The following STX17 variants were observed in gnomAD, a reference collection of about 807,000 sequenced individuals.
STX17 encodes syntaxin-17.
STX17 carries 29 observed loss-of-function variants against 35.9 expected under a neutral mutation model. The observed-to-expected ratio is 0.81, with a 90% confidence interval of 0.60 to 1.10. The LOEUF is 1.10. STX17 is among the 50% of genes least tolerant of loss of function. The pLI is 0.00. For synonymous variants in STX17, 92 were observed against 118.3 expected, an observed-to-expected ratio of 0.78 and a Z score of 1.44; for missense variants, 312 against 352.3, an observed-to-expected ratio of 0.89 and a Z score of 0.92.
chr9:99,958,813 G>C (rs1230475236), intron 4 of STX17, among the ~76,000 whole-genome samples: 1 of 152,218 alleles, frequency 6.6e-6, no homozygotes, highest in Non-Finnish European at 1.5e-5. Context: ...AGATTTTAAA[G>C]TGTGAATTAA....
chr9:99,926,685 A>G (rs1361934114), intron 2 of STX17, among the ~76,000 whole-genome samples: 1 of 152,058 alleles, frequency 6.6e-6, no homozygotes, highest in Non-Finnish European at 1.5e-5. Context: ...TTTTTAGTAG[A>G]GACGGGGTTT....
At chr9:99,941,421 A>G (rs779334693) in intron 3 of STX17, among the ~76,000 whole-genome samples, 3 of 152,240 alleles carry the variant, frequency 2.0e-5, no homozygotes, top group Non-Finnish European at 2.9e-5. Context: ...TTAATTGACC[A>G]TACAAGTCAA....
chr9:99,928,784 AG>A lies in STX17; in HGVS notation c.132del (p.Arg44SerfsTer34), dbSNP rs1223097903. 3.7e-6 allele frequency: 6 copies of A among 1,613,372 alleles called. No homozygotes were observed. Among genetic ancestry groups the A allele is most frequent in the Non-Finnish European group, 5.1e-6 (6 of 1,179,470 alleles). ...CCTTCTTTCTTTTATATAGTATCAA[AG>A]GTGCAGAATCTGGGACAAGTTGCAT... is the stretch of plus-strand genomic sequence containing the variant. ...KHQINIEKYQ[R>X]CRIWDKLHEE... is the part of the protein sequence containing the mutation. On this transcript the variant is annotated frameshift_variant, in exon 3 of 8. Transcript: ENST00000259400. LOFTEE classifies it high-confidence loss of function.
chr9:99,918,517 G>A (rs566672387), intron 2 of STX17, among the ~76,000 whole-genome samples: 31 of 131,558 alleles, frequency 2.4e-4, no homozygotes, highest in African/African-American at 7.9e-4. Flanking sequence ...TTTTTTTTTT[G>A]TAAGTTTTCT....
At chr9:99,919,447 C>G (rs1171091549) in intron 2 of STX17, among the ~76,000 whole-genome samples, 2 of 152,164 alleles carry the variant, frequency 1.3e-5, no homozygotes, top group African/African-American at 4.8e-5. Context: ...CTACCATGTA[C>G]CCCTTTTGCA....
chr9:99,953,470 C>G (rs1231152623), intron 4 of STX17, among the ~76,000 whole-genome samples: 1 of 152,018 alleles, frequency 6.6e-6, no homozygotes, highest in Non-Finnish European at 1.5e-5. Context: ...GGGAAGAATG[C>G]TTTTTGATAG....
At chr9:99,934,914 AT>A (rs936911308) in intron 3 of STX17, among the ~76,000 whole-genome samples, 5 of 152,192 alleles carry the variant, frequency 3.3e-5, no homozygotes, top group East Asian at 3.9e-4. Context: ...ATATATTTGA[AT>A]TTTTTTTAAT....
At chr9:99,935,248 T>G (rs1829206478) in intron 3 of STX17, among the ~76,000 whole-genome samples, 1 of 148,802 alleles carries the variant, frequency 6.7e-6, no homozygotes, top group Admixed American at 6.8e-5. Flanking sequence ...GAGAATGGCG[T>G]GAACCCAGGA....
intron 3 of STX17, among the ~76,000 whole-genome samples, chr9:99,934,914 A>T (rs1224683572): frequency 2.6e-5 from 4 of 152,074 alleles, no homozygotes; most frequent in Non-Finnish European, 5.9e-5. Context: ...ATATATTTGA[A>T]TTTTTTTTAA....
chr9:99,920,620 A>G (rs907028512), intron 2 of STX17, among the ~76,000 whole-genome samples: 2 of 152,208 alleles, frequency 1.3e-5, no homozygotes, highest in Non-Finnish European at 2.9e-5. Context: ...GCACTACTTC[A>G]AACTACCTCT....
intron 2 of STX17, among the ~76,000 whole-genome samples, chr9:99,917,844 C>A (rs1828806014): frequency 6.6e-6 from 1 of 152,114 alleles, no homozygotes; most frequent in African/African-American, 2.4e-5. Flanking sequence ...GTACAAGAGG[C>A]AGAAAACTCA....
intron 3 of STX17, among the ~76,000 whole-genome samples, chr9:99,930,470 T>C (rs528294649): frequency 2.0e-4 from 31 of 152,084 alleles, no homozygotes; most frequent in Non-Finnish European, 3.2e-4. Flanking sequence ...GGTTTCACAA[T>C]GTTAGCCAGG....
intron 3 of STX17, among the ~76,000 whole-genome samples, chr9:99,932,188 A>G (rs1335380958): frequency 1.3e-5 from 2 of 152,210 alleles, no homozygotes. Flanking sequence ...AGTTGCTCCA[A>G]AGAATACATC....
chr9:99,945,348 G>T (rs1161382274), intron 3 of STX17, among the ~76,000 whole-genome samples: 3 of 152,062 alleles, frequency 2.0e-5, no homozygotes, highest in Non-Finnish European at 2.9e-5. Flanking sequence ...ATTATAAAGT[G>T]ATTCTCTTTA....
chr9:99,945,180 T>C (rs918055125), intron 3 of STX17, among the ~76,000 whole-genome samples: 7 of 152,192 alleles, frequency 4.6e-5, no homozygotes, highest in Admixed American at 6.5e-5. Flanking sequence ...TGTCCATTTG[T>C]TCTGTTAATT....
At chr9:99,929,930 T>TTTTTTG in intron 3 of STX17, 1 of 143,748 alleles carries the variant, frequency 7.0e-6, no homozygotes, top group South Asian at 2.2e-4. Flanking sequence ...TTTTTTTTTT[T>TTTTTTG]GCAACAGAGT....
chr9:99,938,286 A>T (rs1219629980), intron 3 of STX17, among the ~76,000 whole-genome samples: 1 of 152,180 alleles, frequency 6.6e-6, no homozygotes, highest in Non-Finnish European at 1.5e-5. Flanking sequence ...CTGTTAAATG[A>T]ACAGTGCTCA....
At chr9:99,912,836 A>C (rs1036994856) in intron 1 of STX17, among the ~76,000 whole-genome samples, 1 of 152,104 alleles carries the variant, frequency 6.6e-6, no homozygotes, top group African/African-American at 2.4e-5. Flanking sequence ...CTATCCGTTA[A>C]CAGTTTATTC....
intron 3 of STX17, among the ~76,000 whole-genome samples, chr9:99,946,206 G>A (rs541787203): frequency 6.4e-4 from 97 of 152,152 alleles, no homozygotes; most frequent in Admixed American, 1.4e-3. Flanking sequence ...TATTATATTA[G>A]GTATTATAAG....
Sources: allele counts gnomAD v4.1 joint callset (sites outside exome capture counted in the v4.1 genomes callset), GRCh38; gene constraint gnomAD v4.1.1; transcripts MANE v1.5; gene names NCBI Gene and HGNC (gene_info 2026-07-23, HGNC 2026-07-21).